Variants in ACAN observed in about 807,000 individuals in gnomAD.
ACAN encodes the protein aggrecan core protein.
In ACAN, 47 loss-of-function variants were observed where a neutral mutation model predicts 169.1. The ratio of observed to expected loss-of-function variants is 0.28; its 90% CI spans 0.22 to 0.35. The LOEUF is 0.35. Ranked by LOEUF, ACAN falls within the 10% of genes least tolerant of loss-of-function variation. The pLI is 1.00. For missense variants in ACAN, 2,716 were observed against 2,759.9 expected (o/e 0.98, Z 0.36); for synonymous variants, 1,115 against 1,112.2 (o/e 1.00, Z -0.05).
At chr15:88,859,668 C>G (rs577513135) in intron 12 of ACAN, among the ~76,000 whole-genome samples, 1 of 152,240 alleles carries the variant, frequency 6.6e-6, no homozygotes, top group Non-Finnish European at 1.5e-5. Context: ...GCATCACGCT[C>G]TGCATGCAGT....
intron 1 of ACAN, among the ~76,000 whole-genome samples, chr15:88,823,245 G>A (rs916549628): frequency 6.6e-5 from 10 of 152,194 alleles, no homozygotes; most frequent in East Asian, 1.9e-4. Context: ...AGGTACTTGC[G>A]CCTGCTGGAA....
intron 5 of ACAN, among the ~76,000 whole-genome samples, chr15:88,842,756 G>A (rs1425018005): frequency 6.6e-6 from 1 of 152,206 alleles, no homozygotes; most frequent in African/African-American, 2.4e-5. Flanking sequence ...AGCAGGGGTA[G>A]CCAGAACCAC....
chr15:88,845,433 C>T, intron 6 of ACAN, 72 bp from the exon 7 acceptor site: 1 of 1,524,634 alleles, frequency 6.6e-7, no homozygotes, highest in Non-Finnish European at 8.8e-7. Context: ...TGCTCATCTC[C>T]AGCCCACTCC....
At chr15:88,864,847 A>G (rs1897256285) in intron 13 of ACAN, among the ~76,000 whole-genome samples, 1 of 152,222 alleles carries the variant, frequency 6.6e-6, no homozygotes, top group African/African-American at 2.4e-5. Flanking sequence ...CAGCTTGAGG[A>G]GTTCCATTCA....
rs928108899 is a variant in ACAN, at chr15:88,839,566, A to G, written c.455-446A>G. 6.6e-6 allele frequency among the ~76,000 whole-genome samples: 1 copy of G among 152,208 alleles called. No homozygotes were observed. The highest frequency in any genetic ancestry group is 2.4e-5 in the African/African-American group (1 of 41,446). ...CTTTGGTCAACACCAGATTTTTCCCAGGGGGAGGTACAGTGGGAGACTCTG... is the reference window on the plus strand; with the variant it reads ...CTTTGGTCAACACCAGATTTTTCCCGGGGGGAGGTACAGTGGGAGACTCTG... On this transcript the variant is annotated intron_variant, in intron 3 of 18. Transcript: ENST00000560601. The surrounding 1 kb of genome is among the most constrained non-coding windows in gnomAD (Gnocchi z 4.5).
At position 88,849,203 on chromosome 15, in the gene ACAN, G is replaced by C. The variant is rs1358448332; in HGVS notation, c.1733-235G>C. Among the ~76,000 whole-genome samples, 1 of 152,190 alleles carries C rather than the reference G, an allele frequency of 6.6e-6. No homozygotes were observed. On this transcript the variant is annotated intron_variant, in intron 9 of 18. Transcript: ENST00000560601. The surrounding 1 kb of genome is among the most constrained non-coding windows in gnomAD (Gnocchi z 5.1). Reference sequence around the variant, plus strand: ...TTTTACGGGAATTTTGCCTTTTTTGGCACCGAAAGTCCTATGTACCGGGAA... The same window carrying C: ...TTTTACGGGAATTTTGCCTTTTTTGCCACCGAAAGTCCTATGTACCGGGAA...
At position 88,838,551 on chromosome 15, in the gene ACAN, A is replaced by G; in HGVS notation, c.71-112A>G. ...CCCCATCATAGAGACAGACACACTCATCGGATTTCGCTCTCTCAGGAGAGT... is the reference window on the plus strand; with the variant it reads ...CCCCATCATAGAGACAGACACACTCGTCGGATTTCGCTCTCTCAGGAGAGT... On this transcript the variant is annotated intron_variant, in intron 2 of 18. Transcript: ENST00000560601. The surrounding 1 kb of genome is among the most constrained non-coding windows in gnomAD (Gnocchi z 5.1). 7.7e-7 allele frequency: 1 copy of G among 1,294,434 alleles called. No homozygotes were observed. The highest frequency in any genetic ancestry group is 1.1e-6 in the Non-Finnish European group (1 of 935,372). The allele number at this position is 1,294,434 out of a possible 1,614,324, so 80.2% of individuals were successfully genotyped here.
chr15:88,847,169 C>G (rs1896810460), intron 7 of ACAN, 74 bp from the exon 8 acceptor site: 2 of 1,420,208 alleles, frequency 1.4e-6, no homozygotes, highest in Admixed American at 2.3e-5. Flanking sequence ...GTTGGCCCCC[C>G]TCTGTGCCCA....
chr15:88,808,177 C>G (rs920012082), intron 1 of ACAN, among the ~76,000 whole-genome samples: 1 of 152,206 alleles, frequency 6.6e-6, no homozygotes, highest in Non-Finnish European at 1.5e-5. Flanking sequence ...TGGCAGTCCC[C>G]AGATCACAGA....
In ACAN at chr15:88,851,679, C is replaced by G. The variant is rs1896932654; in HGVS notation, c.2027-115C>G. 6.9e-6 allele frequency: 9 copies of G among 1,297,906 alleles called. No individual in the cohort carries two copies. The East Asian group carries it at 2.3e-4, about 33-fold the overall frequency. The allele number at this position is 1,297,906 out of a possible 1,614,324, so 80.4% of individuals were successfully genotyped here. ...AGAAGGCAAACAGCCATCTGCTGAA[C>G]TAGGAGGTGGGGCCTGGCCACCTCA... On this transcript the variant is annotated intron_variant, in intron 10 of 18. Transcript: ENST00000560601. The surrounding 1 kb of genome is among the most constrained non-coding windows in gnomAD (Gnocchi z 4.3).
Position 88,809,684 on chromosome 15 carries a change from A to C in ACAN, c.-8+5875A>C, listed in dbSNP as rs371782863. ...ACCTCTGGTTCCCAGAACGTGCTGC[A>C]TCAGGTTGCAGCACCGGGCAGCTGC... On this transcript the variant is annotated intron_variant, in intron 1 of 18. Coordinates refer to ENST00000560601, the MANE Select transcript of ACAN (RefSeq NM_001369268.1). 2.6e-5 allele frequency among the ~76,000 whole-genome samples: 4 copies of C among 152,334 alleles called. No homozygotes were observed. The East Asian group carries it at 5.8e-4, about 22-fold the overall frequency.
At chr15:88,841,957 C>A (rs1054463077) in intron 5 of ACAN, 90 bp downstream of exon 5, 2 of 1,542,086 alleles carry the variant, frequency 1.3e-6, no homozygotes, top group East Asian at 2.3e-5. Flanking sequence ...TGAGATCACA[C>A]AGGCTGCCAG....
intron 1 of ACAN, among the ~76,000 whole-genome samples, chr15:88,810,771 A>G (rs1895801667): frequency 6.6e-6 from 1 of 152,214 alleles, no homozygotes; most frequent in South Asian, 2.1e-4. Context: ...AATGTGCTCC[A>G]AGAGATTCTG....
chr15:88,873,496 G>A lies in ACAN; in HGVS notation c.7448-346G>A, dbSNP rs561915931. Among the ~76,000 whole-genome samples, 10 of 152,276 alleles carry A rather than the reference G, an allele frequency of 6.6e-5. No individual in the cohort carries two copies. The highest frequency in any genetic ancestry group is 6.2e-4 in the South Asian group (3 of 4,826). ...CCACTGCCCCTGCTCACCACCTTGC[G>A]TCCCCCAGGCCTCCTTTCAGTCTCA... On this transcript the variant is annotated intron_variant, in intron 17 of 18. Coordinates refer to ENST00000560601, the MANE Select transcript of ACAN (RefSeq NM_001369268.1). The surrounding 1 kb of genome is among the most constrained non-coding windows in gnomAD (Gnocchi z 7.5).
At chr15:88,823,419 T>A (rs1284927755) in intron 1 of ACAN, among the ~76,000 whole-genome samples, 1 of 151,962 alleles carries the variant, frequency 6.6e-6, no homozygotes, top group Non-Finnish European at 1.5e-5. Context: ...GGTGGTTTTT[T>A]TTTTTCTTGT....
chr15:88,845,099 G>A (rs2141580600), intron 6 of ACAN, among the ~76,000 whole-genome samples: 1 of 152,332 alleles, frequency 6.6e-6, no homozygotes, highest in African/African-American at 2.4e-5. Context: ...CTTTCTGCAA[G>A]ATTTTCTGAT....
chr15:88,855,565 G>A lies in ACAN; in HGVS notation c.2980G>A (p.Gly994Arg), dbSNP rs767234739. The stretch of plus-strand genomic sequence containing the variant: ...TGCCCCTGGAGTAGAGGACATCAGC[G>A]GGCTTCCTTCTGGAGAAGTTCTAGA... The part of the protein sequence containing the change: ...TTAPGVEDIS[G>R]LPSGEVLETT... The change falls in exon 12 of 19, where the codon GGG becomes AGG. Residue 994 changes from glycine (G) to arginine (R), a missense_variant. Physicochemically the swap from Gly to Arg is moderately radical, Grantham distance 125. Transcript: ENST00000560601. 30 of 1,294,746 alleles carry A rather than the reference G, an allele frequency of 2.3e-5. No individual in the cohort carries two copies. Among genetic ancestry groups the A allele is most frequent in the African/African-American group, 2.3e-4 (15 of 65,444 alleles). The allele number at this position is 1,294,746 out of a possible 1,614,324, so 80.2% of individuals were successfully genotyped here.
Position 88,872,797 on chromosome 15 carries a change from G to T in ACAN, c.7303-84G>T. 6.8e-7 allele frequency: 1 copy of T among 1,477,508 alleles called. No individual in the cohort carries two copies. 91.5% of individuals were successfully genotyped at this position (1,477,508 alleles called of 1,614,324 possible). A position where few individuals can be genotyped will look rare whatever the true frequency, so the allele number is the denominator to read the frequency against. ...GCTAAAAGAGAAAGGAGATGATGAA[G>T]AGGCTCCACGGGGAAGACAGTCGGA... is the stretch of plus-strand genomic sequence containing the variant. On this transcript the variant is annotated intron_variant, in intron 16 of 18. Transcript: ENST00000560601. The surrounding 1 kb of genome is among the most constrained non-coding windows in gnomAD (Gnocchi z 5.4).
chr15:88,837,023 G>T (rs937747693), intron 2 of ACAN, among the ~76,000 whole-genome samples: 9 of 152,230 alleles, frequency 5.9e-5, no homozygotes, highest in African/African-American at 2.2e-4. Flanking sequence ...TTCCCCTTTA[G>T]AGCACATTCT....
Sources: allele counts gnomAD v4.1 joint callset (sites outside exome capture counted in the v4.1 genomes callset), GRCh38; gene constraint gnomAD v4.1.1; non-coding constraint Gnocchi (gnomAD v3.1); transcripts MANE v1.5; gene names NCBI Gene and HGNC (gene_info 2026-07-23, HGNC 2026-07-21).